Variants in ST3GAL5 observed in about 807,000 individuals in gnomAD.
ST3GAL5 encodes lactosylceramide alpha-2,3-sialyltransferase.
ST3GAL5 carries 25 observed loss-of-function variants against 46.1 expected under a neutral mutation model. The ratio of observed to expected loss-of-function variants is 0.54; its 90% CI spans 0.40 to 0.76. The LOEUF is 0.76. Ranked by LOEUF, ST3GAL5 falls within the 30% of genes least tolerant of loss-of-function variation. ST3GAL5 has a pLI of 0.00. For missense variants in ST3GAL5, 431 were observed against 521.2 expected (o/e 0.83, Z 1.69); for synonymous variants, 182 against 192.7 (o/e 0.94, Z 0.46).
intron 1 of ST3GAL5, among the ~76,000 whole-genome samples, chr2:85,873,885 G>A (rs1418461166): frequency 6.6e-6 from 1 of 152,222 alleles, no homozygotes; most frequent in Non-Finnish European, 1.5e-5. Flanking sequence ...GTCCAGGTGA[G>A]GATGCTGACT....
chr2:85,882,405 C>T (rs1687255912), intron 1 of ST3GAL5, among the ~76,000 whole-genome samples: 1 of 152,170 alleles, frequency 6.6e-6, no homozygotes, highest in Non-Finnish European at 1.5e-5. Flanking sequence ...AACACCAGCC[C>T]ATGAAAGTGG....
At chr2:85,875,858 T>C (rs1686496172) in intron 1 of ST3GAL5, among the ~76,000 whole-genome samples, 1 of 152,102 alleles carries the variant, frequency 6.6e-6, no homozygotes, top group Admixed American at 6.5e-5. Context: ...CGAATTCTTA[T>C]AAGCAGACCT....
rs1344657294 is a variant in ST3GAL5, at chr2:85,863,494, A to T, written c.83-9T>A. ...GTACTCACTTGGCATTGCTGTGAAG[A>T]GAGGCGAAGAGGGCAGTGGGGAAAA... is the stretch of plus-strand genomic sequence containing the variant. On this transcript the variant is annotated splice_polypyrimidine_tract_variant and intron_variant, in intron 1 of 6. Coordinates refer to ENST00000638572, the MANE Select transcript of ST3GAL5 (RefSeq NM_003896.4). 2 of 1,614,148 alleles carry T rather than the reference A, an allele frequency of 1.2e-6. No homozygotes were observed. The highest frequency in any genetic ancestry group is 2.2e-5 in the South Asian group (2 of 91,074).
chr2:85,852,877 A>T, intron 3 of ST3GAL5: 1 of 1,303,736 alleles, frequency 7.7e-7, no homozygotes, highest in Non-Finnish European at 1.0e-6. Flanking sequence ...ATATCCCAGG[A>T]AGGCCTGGAA....
chr2:85,865,745 C>A (rs1420891659), intron 1 of ST3GAL5: 1 of 152,302 alleles, frequency 6.6e-6, no homozygotes, highest in Non-Finnish European at 1.5e-5. Context: ...GAGAAAGACT[C>A]CAGGGCTTCC....
chr2:85,848,266 C>G lies in ST3GAL5; in HGVS notation c.319-62G>C. ...TCTCCTGCATTAAAAATATACTCTT[C>G]TAGATGACAATTTGTCCTATGATGT... is the stretch of plus-strand genomic sequence containing the variant. On this transcript the variant is annotated intron_variant, in intron 3 of 6. Coordinates refer to ENST00000638572, the MANE Select transcript of ST3GAL5 (RefSeq NM_003896.4). 5.0e-6 allele frequency: 8 copies of G among 1,612,800 alleles called. No individual in the cohort carries two copies. The South Asian group carries it at 6.6e-5, about 13-fold the overall frequency.
intron 4 of ST3GAL5, chr2:85,846,796 C>T (rs760623165): frequency 5.7e-6 from 3 of 527,730 alleles, no homozygotes; most frequent in Non-Finnish European, 6.8e-6. Flanking sequence ...GCAATTTCAT[C>T]TAGCCCTAAT....
At chr2:85,850,671 A>G (rs996569700) in intron 3 of ST3GAL5, 3 of 152,230 alleles carry the variant, frequency 2.0e-5, no homozygotes, top group African/African-American at 7.2e-5. Context: ...AGAGAATCAT[A>G]TCCTAAGTAT....
At chr2:85,844,693 T>C (rs976647472) in intron 5 of ST3GAL5, 139 bp from the exon 6 acceptor site, 1 of 1,172,550 alleles carries the variant, frequency 8.5e-7, no homozygotes, top group Non-Finnish European at 1.2e-6. Flanking sequence ...CTCCTATAGA[T>C]TGCAAAAGCT....
chr2:85,875,031 C>T (rs916291653), intron 1 of ST3GAL5, among the ~76,000 whole-genome samples: 5 of 152,022 alleles, frequency 3.3e-5, no homozygotes, highest in East Asian at 1.9e-4. Context: ...CTGTCTCCCC[C>T]CCACCATGGA....
intron 3 of ST3GAL5, among the ~76,000 whole-genome samples, chr2:85,859,607 T>A (rs1684512618): frequency 6.6e-6 from 1 of 152,204 alleles, no homozygotes; most frequent in South Asian, 2.1e-4. Context: ...AGCAAGACCC[T>A]GAGACTCAAT....
intron 3 of ST3GAL5, 97 bp from the exon 4 acceptor site, chr2:85,848,301 C>T (rs1483608165): frequency 5.6e-6 from 9 of 1,611,048 alleles, no homozygotes; most frequent in Middle Eastern, 1.7e-4. Context: ...TCTGATGTAG[C>T]TCCCGTGTTG....
chr2:85,868,257 G>A (rs1685497460), intron 1 of ST3GAL5, among the ~76,000 whole-genome samples: 1 of 152,214 alleles, frequency 6.6e-6, no homozygotes, highest in Admixed American at 6.5e-5. Flanking sequence ...GGCATGCTTT[G>A]TTAATTGCTA....
At position 85,847,852 on chromosome 2, in the gene ST3GAL5, C is replaced by A. The variant is rs762129079; in HGVS notation, c.662+9G>T. On this transcript the variant is annotated intron_variant, in intron 4 of 6. Transcript: ENST00000638572. ...TAAGTAAACAAACAAACAAAAAAAACCAATGTACCTTATCACAACATCGAA... is the reference window on the plus strand; with the variant it reads ...TAAGTAAACAAACAAACAAAAAAAAACAATGTACCTTATCACAACATCGAA... The A allele has an allele frequency of 2.5e-5, 41 of 1,613,270 alleles. No individual in the cohort carries two copies. Among genetic ancestry groups the A allele is most frequent in the East Asian group, 6.7e-5 (3 of 44,884 alleles).
chr2:85,868,284 A>T (rs567424651), intron 1 of ST3GAL5, among the ~76,000 whole-genome samples: 2 of 152,184 alleles, frequency 1.3e-5, no homozygotes, highest in Non-Finnish European at 2.9e-5. Flanking sequence ...CTGTGTCATA[A>T]ATTTCAATAG....
intron 1 of ST3GAL5, among the ~76,000 whole-genome samples, chr2:85,882,342 T>C (rs988682065): frequency 1.3e-5 from 2 of 152,118 alleles, no homozygotes; most frequent in African/African-American, 2.4e-5. Flanking sequence ...GACCCCAGAA[T>C]GGTAGATCCA....
chr2:85,870,347 G>C, intron 1 of ST3GAL5: 1 of 437,826 alleles, frequency 2.3e-6, no homozygotes, highest in Non-Finnish European at 4.9e-6. Context: ...AGGCGATGGT[G>C]GTTATAGGCC....
chr2:85,846,884 G>A lies in ST3GAL5; in HGVS notation c.663-321C>T, dbSNP rs183736831. 7 of 270,050 alleles carry A rather than the reference G, an allele frequency of 2.6e-5. No individual in the cohort carries two copies. In the East Asian group the frequency reaches 5.7e-4, roughly 22 times the overall value. The allele number at this position is 270,050 out of a possible 1,614,324, so 16.7% of individuals were successfully genotyped here. On this transcript the variant is annotated intron_variant, in intron 4 of 6. Coordinates refer to ENST00000638572, the MANE Select transcript of ST3GAL5 (RefSeq NM_003896.4). ...AAAATATCCTCAGAAATTTTCCATT[G>A]TGCTCAGATGTTAGTTCTTGCCAGA...
At chr2:85,857,240 G>C (rs1684234068) in intron 3 of ST3GAL5, among the ~76,000 whole-genome samples, 1 of 151,766 alleles carries the variant, frequency 6.6e-6, no homozygotes, top group African/African-American at 2.4e-5. Context: ...GTGAGGCCCT[G>C]CTGAAAAGAA....
Sources: gnomAD v4.1 joint callset for allele counts (sites outside exome capture counted in the v4.1 genomes callset) on GRCh38, gnomAD v4.1.1 for gene constraint, MANE v1.5 for transcripts, NCBI Gene and HGNC (gene_info 2026-07-23, HGNC 2026-07-21) for gene names.